The following LPCAT2 variants were observed in gnomAD, a reference collection of about 807,000 sequenced individuals.
LPCAT2 encodes lysophosphatidylcholine acyltransferase 2.
In LPCAT2, 58 loss-of-function variants were observed where a neutral mutation model predicts 64.7. The observed-to-expected ratio is 0.90, with a 90% confidence interval of 0.73 to 1.12. The LOEUF (loss-of-function observed/expected upper bound fraction) is 1.12. Ranked by LOEUF, LPCAT2 falls within the 50% of genes most tolerant of loss-of-function variation. The pLI is 0.00. For synonymous variants in LPCAT2, 252 were observed against 245.3 expected, an observed-to-expected ratio of 1.03 and a Z score of -0.26; for missense variants, 579 against 669.8, an observed-to-expected ratio of 0.86 and a Z score of 1.50.
At chr16:55,570,531 A>G (rs1326847448) in intron 11 of LPCAT2, among the ~76,000 whole-genome samples, 1 of 152,130 alleles carries the variant, frequency 6.6e-6, no homozygotes, top group Non-Finnish European at 1.5e-5. Context: ...GCTACTTGGG[A>G]GGCTGAGGCG....
intron 11 of LPCAT2, among the ~76,000 whole-genome samples, chr16:55,565,664 C>T (rs778668974): frequency 7.2e-5 from 11 of 151,894 alleles, no homozygotes; most frequent in Non-Finnish European, 1.5e-4. Flanking sequence ...AATCATAGAG[C>T]TAGAAAATAG....
intron 7 of LPCAT2, 45 bp from the exon 8 acceptor site, chr16:55,537,533 A>G: frequency 7.1e-7 from 1 of 1,407,606 alleles, no homozygotes. Flanking sequence ...ATAAGATGAT[A>G]CTTGCATGAC....
At chr16:55,559,409 G>GTGT (rs1349169725) in intron 11 of LPCAT2, among the ~76,000 whole-genome samples, 3 of 152,136 alleles carry the variant, frequency 2.0e-5, no homozygotes, top group African/African-American at 7.2e-5. Flanking sequence ...TGGAATGAAT[G>GTGT]TGTTTCTTTA....
chr16:55,567,276 C>A, intron 11 of LPCAT2: 1 of 1,613,648 alleles, frequency 6.2e-7, no homozygotes, highest in Non-Finnish European at 8.5e-7. Context: ...AAGTTCTCAG[C>A]TGCGGGGAGC....
chr16:55,560,457 A>C (rs574977852), intron 11 of LPCAT2, among the ~76,000 whole-genome samples: 30 of 152,254 alleles, frequency 2.0e-4, no homozygotes, highest in African/African-American at 7.0e-4. Context: ...TCACCACACA[A>C]TATGTCAAAG....
intron 1 of LPCAT2, among the ~76,000 whole-genome samples, chr16:55,521,961 C>T (rs1963102620): frequency 6.6e-6 from 1 of 151,702 alleles, no homozygotes; most frequent in South Asian, 2.1e-4. Context: ...TTCACCACTT[C>T]TGTTCAACAT....
rs1468344013 is a variant in LPCAT2, at chr16:55,585,849, CAAG to C, written c.*2754_*2756del. The stretch of plus-strand genomic sequence containing the variant: ...AGTAAAGCTCTTTGATTCCCAGAAT[CAAG>C]AACTCTCCCCTTCAGACTATTACCG... On this transcript the variant is annotated 3_prime_UTR_variant, in exon 14 of 14. Coordinates refer to ENST00000262134, the MANE Select transcript of LPCAT2 (RefSeq NM_017839.5). 2.0e-5 allele frequency: 3 copies of C among 152,182 alleles called. No individual in the cohort carries two copies. The highest frequency in any genetic ancestry group is 4.8e-5 in the African/African-American group (2 of 41,448). 9.4% of individuals were successfully genotyped at this position (152,182 alleles called of 1,614,324 possible). A position where few individuals can be genotyped will look rare whatever the true frequency, so the allele number is the denominator to read the frequency against.
At chr16:55,521,860 C>A (rs1484038531) in intron 1 of LPCAT2, among the ~76,000 whole-genome samples, 1 of 151,650 alleles carries the variant, frequency 6.6e-6, no homozygotes, top group Non-Finnish European at 1.5e-5. Context: ...CCATCAGATA[C>A]AGGGCATCTA....
intron 11 of LPCAT2, chr16:55,567,421 C>A: frequency 1.2e-6 from 2 of 1,613,776 alleles, no homozygotes; most frequent in Non-Finnish European, 1.7e-6. Flanking sequence ...ATGTTTCGTG[C>A]CTTCAAGTCT....
chr16:55,546,970 A>C (rs1308453631), intron 9 of LPCAT2, among the ~76,000 whole-genome samples: 1 of 152,090 alleles, frequency 6.6e-6, no homozygotes, highest in Non-Finnish European at 1.5e-5. Flanking sequence ...AACATGGTGA[A>C]ACCCCGTCTC....
intron 9 of LPCAT2, 53 bp downstream of exon 9, chr16:55,545,870 C>A: frequency 1.4e-6 from 2 of 1,401,226 alleles, no homozygotes; most frequent in African/African-American, 1.4e-5. Flanking sequence ...ATTATTTGTG[C>A]ATGTCGTTTA....
chr16:55,564,064 C>A (rs554668735), intron 11 of LPCAT2, among the ~76,000 whole-genome samples: 6 of 151,802 alleles, frequency 4.0e-5, no homozygotes, highest in African/African-American at 1.4e-4. Flanking sequence ...CAACAATGAA[C>A]AATTCTGAAA....
At chr16:55,512,077 G>T (rs1025239032) in intron 1 of LPCAT2, among the ~76,000 whole-genome samples, 10 of 152,114 alleles carry the variant, frequency 6.6e-5, no homozygotes, top group Non-Finnish European at 5.9e-5. Context: ...TGCTTACCAT[G>T]TACACAGAGC....
At chr16:55,511,796 G>C (rs866319837) in intron 1 of LPCAT2, among the ~76,000 whole-genome samples, 1 of 152,190 alleles carries the variant, frequency 6.6e-6, no homozygotes, top group Non-Finnish European at 1.5e-5. Context: ...GGGTTGCTCA[G>C]TGTAGACATG....
chr16:55,582,234 T>C (rs1963894543), intron 13 of LPCAT2, among the ~76,000 whole-genome samples: 1 of 152,150 alleles, frequency 6.6e-6, no homozygotes, highest in Non-Finnish European at 1.5e-5. Context: ...CAGAAACCCC[T>C]GTGTGCCCTT....
chr16:55,550,712 G>A (rs796791862), intron 10 of LPCAT2, among the ~76,000 whole-genome samples: 26 of 152,202 alleles, frequency 1.7e-4, no homozygotes, highest in South Asian at 6.2e-4. Context: ...TCAATAGATC[G>A]AGACCATCCT....
At chr16:55,566,636 G>A (rs1963699786) in intron 11 of LPCAT2, 1 of 1,016,558 alleles carries the variant, frequency 9.8e-7, no homozygotes, top group Admixed American at 2.8e-5. Context: ...ATGGGGCGTG[G>A]TGCAGTGTAA....
intron 11 of LPCAT2, among the ~76,000 whole-genome samples, chr16:55,569,145 C>G (rs1207879076): frequency 6.6e-6 from 1 of 152,190 alleles, no homozygotes; most frequent in Non-Finnish European, 1.5e-5. Context: ...CCTCAGCTTC[C>G]TGTTAGAAAT....
In LPCAT2 at chr16:55,583,053, C is replaced by A; in HGVS notation, c.1590C>A (p.Ser530Arg). 3.7e-6 allele frequency: 6 copies of A among 1,613,654 alleles called. No homozygotes were observed. The highest frequency in any genetic ancestry group is 5.1e-6 in the Non-Finnish European group (6 of 1,179,780). The change falls in exon 14 of 14, where the codon AGC (serine) becomes AGA (arginine). Residue 530 changes from serine to arginine, a missense_variant. Physicochemically the swap from Ser to Arg is moderately radical, Grantham distance 110. Transcript: ENST00000262134. ...TTPSTASNKV[S>R]PEKHEESTSD... ...CCTCCACCGCCAGTAATAAAGTCAG[C>A]CCTGAAAAGCATGAAGAGAGTACCT...
Sources: allele counts gnomAD v4.1 joint callset (sites outside exome capture counted in the v4.1 genomes callset), GRCh38; gene constraint gnomAD v4.1.1; transcripts MANE v1.5; gene names NCBI Gene and HGNC (gene_info 2026-07-23, HGNC 2026-07-21).